Variants in NAA60 observed in about 807,000 individuals in gnomAD.
NAA60 encodes N-alpha-acetyltransferase 60.
A neutral mutation model predicts 26.1 loss-of-function variants in NAA60; 8 were observed. The ratio of observed to expected loss-of-function variants is 0.31; its 90% CI spans 0.18 to 0.55. NAA60 has a LOEUF of 0.55. Ranked by LOEUF, NAA60 falls within the 20% of genes least tolerant of loss-of-function variation. The pLI, the probability that NAA60 is intolerant of heterozygous loss-of-function variation, is 0.93. For missense variants in NAA60, 290 were observed against 311.3 expected (o/e 0.93, Z 0.51); for synonymous variants, 131 against 122.5 (o/e 1.07, Z -0.46).
At chr16:3,471,008 G>A (rs77899315) in intron 2 of NAA60, among the ~76,000 whole-genome samples, 9,349 of 152,212 alleles carry the variant, frequency 0.061, 381 homozygotes, top group Admixed American at 0.084. Flanking sequence ...CCAGAAACAC[G>A]GAAGCACTTT....
intron 4 of NAA60, 75 bp downstream of exon 4, chr16:3,479,675 T>C (rs2036702432): frequency 3.2e-6 from 5 of 1,543,166 alleles, no homozygotes; most frequent in East Asian, 2.3e-5. Flanking sequence ...GATGGAATCA[T>C]GCTGCCTGCT....
intron 1 of NAA60, among the ~76,000 whole-genome samples, chr16:3,444,061 C>T (rs2034450285): frequency 6.6e-6 from 1 of 152,174 alleles, no homozygotes; most frequent in Admixed American, 6.5e-5. Context: ...GTTATAGAGG[C>T]ATTACGTATT....
intron 2 of NAA60, among the ~76,000 whole-genome samples, chr16:3,458,376 G>T (rs1256392228): frequency 6.6e-6 from 1 of 151,996 alleles, no homozygotes; most frequent in African/African-American, 2.4e-5. Flanking sequence ...GGACGGCGGC[G>T]GGGAGTGGGC....
intron 6 of NAA60, 154 bp from the exon 7 acceptor site, chr16:3,484,545 T>C: frequency 2.0e-6 from 2 of 1,011,180 alleles, no homozygotes; most frequent in Non-Finnish European, 2.8e-6. Flanking sequence ...CTCATGAGCC[T>C]TTCCAGCTCT....
Position 3,485,882 on chromosome 16 carries a change from C to A in NAA60, c.*622C>A. ...CAAGCACAGAGCTCTGAGGCTCAGC[C>A]CCCTGGCACAGGCGGTCACGCATCA... On this transcript the variant is annotated 3_prime_UTR_variant, in exon 8 of 8. Coordinates refer to ENST00000407558, the MANE Select transcript of NAA60 (RefSeq NM_001083601.3). 5.6e-6 allele frequency: 2 copies of A among 355,094 alleles called. No individual in the cohort carries two copies. Among genetic ancestry groups the A allele is most frequent in the Non-Finnish European group, 5.6e-6 (1 of 179,204 alleles). The allele number at this position is 355,094 out of a possible 1,614,324, so 22.0% of individuals were successfully genotyped here.
chr16:3,471,593 G>T (rs927761693), intron 2 of NAA60, among the ~76,000 whole-genome samples: 1 of 152,154 alleles, frequency 6.6e-6, no homozygotes, highest in African/African-American at 2.4e-5. Context: ...TCAAGGCCTT[G>T]CCAACCCCAC....
At chr16:3,468,726 G>A (rs2035924089) in intron 2 of NAA60, among the ~76,000 whole-genome samples, 1 of 152,222 alleles carries the variant, frequency 6.6e-6, no homozygotes. Flanking sequence ...AGGCCAGCCA[G>A]GAGAGATTTC....
intron 2 of NAA60, among the ~76,000 whole-genome samples, chr16:3,467,483 T>TG (rs1025882189): frequency 1.6e-4 from 24 of 152,208 alleles, no homozygotes; most frequent in Admixed American, 1.5e-3. Flanking sequence ...CTTGAAGCAG[T>TG]GCCTTCGAAG....
chr16:3,463,350 C>G (rs2150971009), intron 2 of NAA60, among the ~76,000 whole-genome samples: 1 of 151,608 alleles, frequency 6.6e-6, no homozygotes, highest in East Asian at 1.9e-4. Context: ...GAGTTAGAGA[C>G]CAGCCTGGCC....
chr16:3,460,071 C>G (rs745714629), intron 2 of NAA60, among the ~76,000 whole-genome samples: 1 of 152,090 alleles, frequency 6.6e-6, no homozygotes, highest in Non-Finnish European at 1.5e-5. Context: ...GAGGTGGATA[C>G]AGAATCCAGA....
intron 2 of NAA60, chr16:3,458,140 G>A: frequency 1.0e-6 from 1 of 985,196 alleles, no homozygotes; most frequent in Non-Finnish European, 1.2e-6. Flanking sequence ...AGGATGCGCT[G>A]AGCCCTACAA....
At chr16:3,474,250 G>A (rs951734094) in intron 2 of NAA60, among the ~76,000 whole-genome samples, 24 of 152,216 alleles carry the variant, frequency 1.6e-4, no homozygotes, top group African/African-American at 5.5e-4. Context: ...TGCTGGCCCT[G>A]TCCCAGGTCA....
At chr16:3,453,738 C>T (rs40223) in intron 2 of NAA60, among the ~76,000 whole-genome samples, 19,872 of 152,162 alleles carry the variant, frequency 0.13, 1,638 homozygotes, top group Non-Finnish European at 0.19. Flanking sequence ...ACATTCTAGG[C>T]ATTTTCCCTA....
At position 3,483,610 on chromosome 16, in the gene NAA60, T is replaced by C; in HGVS notation, c.572+13T>C. On this transcript the variant is annotated intron_variant, in intron 6 of 7. Coordinates refer to ENST00000407558, the MANE Select transcript of NAA60 (RefSeq NM_001083601.3). ...CCTGGACGATTTTATATCCTTAACT[T>C]CTGGGGGAGAGGGACTGTGGCTTCC... 4 of 1,596,060 alleles carry C rather than the reference T, an allele frequency of 2.5e-6. No individual in the cohort carries two copies. The highest frequency in any genetic ancestry group is 3.4e-6 in the Non-Finnish European group (4 of 1,165,478).
intron 6 of NAA60, 131 bp downstream of exon 6, chr16:3,483,728 C>T (rs910136414): frequency 4.3e-6 from 3 of 700,670 alleles, no homozygotes; most frequent in African/African-American, 3.6e-5. Context: ...GCTTCTCTCC[C>T]TTACCTGATC....
chr16:3,467,035 C>G (rs953842865), intron 2 of NAA60, among the ~76,000 whole-genome samples: 1 of 151,878 alleles, frequency 6.6e-6, no homozygotes, highest in African/African-American at 2.4e-5. Flanking sequence ...GTGCGGACAG[C>G]CTGTCAGAGG....
rs2036901199 is a variant in NAA60 at position 3,482,492 on chromosome 16, C to G, written c.241-10C>G. ...TGTGAGCCTGACTTTCTCTCTGACT[C>G]TTCCTCTAGGATGGAGATATTCTAG... On this transcript the variant is annotated splice_polypyrimidine_tract_variant and intron_variant, in intron 4 of 7. Coordinates refer to ENST00000407558, the MANE Select transcript of NAA60 (RefSeq NM_001083601.3). 1 of 1,588,276 alleles carries G rather than the reference C, an allele frequency of 6.3e-7. No homozygotes were observed. The highest frequency in any genetic ancestry group is 8.6e-7 in the Non-Finnish European group (1 of 1,165,880).
At chr16:3,473,798 G>T (rs1343791466) in intron 2 of NAA60, among the ~76,000 whole-genome samples, 1 of 151,840 alleles carries the variant, frequency 6.6e-6, no homozygotes, top group East Asian at 1.9e-4. Flanking sequence ...GCAGTGGTGC[G>T]ATCTTGGCTC....
chr16:3,445,593 C>G (rs1386118922), intron 1 of NAA60, among the ~76,000 whole-genome samples: 1 of 152,004 alleles, frequency 6.6e-6, no homozygotes, highest in African/African-American at 2.4e-5. Context: ...GCTATTCTTA[C>G]ATCAGCACTG....
Sources: gnomAD v4.1 joint callset for allele counts (sites outside exome capture counted in the v4.1 genomes callset) on GRCh38, gnomAD v4.1.1 for gene constraint, MANE v1.5 for transcripts, NCBI Gene and HGNC (gene_info 2026-07-23, HGNC 2026-07-21) for gene names.